The following PHC3 variants were observed in gnomAD, a reference collection of about 807,000 sequenced individuals.
PHC3 encodes polyhomeotic homolog 3, also known as polyhomeotic-like protein 3.
In PHC3, 13 loss-of-function variants were observed where a neutral mutation model predicts 107.4. The observed-to-expected ratio is 0.12, with a 90% CI of 0.08 to 0.19. The LOEUF is 0.19. Ranked by LOEUF, PHC3 falls within the 10% of genes least tolerant of loss-of-function variation. PHC3 has a pLI of 1.00. For missense variants in PHC3, 992 were observed against 1,210.9 expected (o/e 0.82, Z 2.68); for synonymous variants, 456 against 427.4 (o/e 1.07, Z -0.83).
At position 170,087,734 on chromosome 3, in the gene PHC3, A is replaced by G. The variant is rs1461604596; in HGVS notation, c.*9496T>C. The G allele has an allele frequency of 6.6e-6, 1 of 152,216 alleles. No homozygotes were observed. Among genetic ancestry groups the G allele is most frequent in the Non-Finnish European group, 1.5e-5 (1 of 68,008 alleles). The allele number at this position is 152,216 out of a possible 1,614,324, so 9.4% of individuals were successfully genotyped here. On this transcript the variant is annotated 3_prime_UTR_variant, in exon 15 of 15. Coordinates refer to ENST00000495893, the MANE Select transcript of PHC3 (RefSeq NM_024947.4). ...TGAAGCAATGTTACAACAATATTCT[A>G]TATGAAAATGTGCAGGTAACAAAGG... is the stretch of plus-strand genomic sequence containing the variant.
rs767247550 is a variant in PHC3 at position 170,102,927 on chromosome 3, C to T, written c.2476G>A (p.Val826Ile). 1.2e-6 allele frequency: 2 copies of T among 1,611,552 alleles called. No homozygotes were observed. The highest frequency in any genetic ancestry group is 2.2e-5 in the South Asian group (2 of 90,892). Residue 826 changes from valine (V) to isoleucine (I), a missense_variant, in exon 13 of 15, where the codon GTT becomes ATT. Val to Ile is a conservative substitution (Grantham distance 29). This residue lies in a region of PHC3 where 228 missense variants were observed against 288.8 expected (regional missense o/e 0.79). Transcript: ENST00000495893. ...CTMSCAKRYN[V>I]SCSKKFALSR... is the part of the protein sequence containing the mutation. ...AGTGCAAATTTTTTAGAACAGCTAACATTGTACCTAAGAAATTCAAGAAAG... is the reference window on the plus strand; with the variant it reads ...AGTGCAAATTTTTTAGAACAGCTAATATTGTACCTAAGAAATTCAAGAAAG...
rs976938421 is a variant in PHC3 at position 170,097,931 on chromosome 3, G to A, written c.2834-547C>T. ...TTTAAAATATTTTTATTGTTCACTC[G>A]GGACATATCAAATTTCTCAAGACTG... On this transcript the variant is annotated intron_variant, in intron 14 of 14. Transcript: ENST00000495893. The surrounding 1 kb of genome is among the most constrained non-coding windows in gnomAD (Gnocchi z 4.1). Among the ~76,000 whole-genome samples, 2 of 151,934 alleles carry A rather than the reference G, an allele frequency of 1.3e-5. No individual in the cohort carries two copies. Among genetic ancestry groups the A allele is most frequent in the Admixed American group, 6.6e-5 (1 of 15,246 alleles).
chr3:170,117,104 T>C, intron 10 of PHC3, 122 bp downstream of exon 10: 1 of 1,262,984 alleles, frequency 7.9e-7, no homozygotes, highest in African/African-American at 1.5e-5. Context: ...AAATGCTAGA[T>C]TAAAATGGAC....
At chr3:170,112,449 T>C (rs1282704220) in intron 11 of PHC3, among the ~76,000 whole-genome samples, 2 of 151,334 alleles carry the variant, frequency 1.3e-5, no homozygotes, top group African/African-American at 2.4e-5. Flanking sequence ...GGTCTTGATC[T>C]CTTGACCTTG....
At chr3:170,150,817 T>G (rs571293646) in intron 4 of PHC3, 1 of 303,798 alleles carries the variant, frequency 3.3e-6, no homozygotes, top group Non-Finnish European at 6.4e-6. Context: ...TAAAGAGACA[T>G]TGGAGTGGGG....
rs368391626 is a variant in PHC3, at chr3:170,178,213, C to T, written c.180+560G>A. ...GGCGGGAGTGCTGTGGCGCGATCTCCGCTCACTGCAAGCTCCGCCTTCCGG... is the reference window on the plus strand; with the variant it reads ...GGCGGGAGTGCTGTGGCGCGATCTCTGCTCACTGCAAGCTCCGCCTTCCGG... On this transcript the variant is annotated intron_variant, in intron 2 of 14. Transcript: ENST00000495893. Among the ~76,000 whole-genome samples, 288 of 150,942 alleles carry T rather than the reference C, an allele frequency of 1.9e-3. 1 individual carries two copies. The highest frequency in any genetic ancestry group is 6.6e-3 in the African/African-American group (272 of 41,086).
chr3:170,156,602 A>G (rs578256343), intron 4 of PHC3, among the ~76,000 whole-genome samples: 1 of 148,586 alleles, frequency 6.7e-6, no homozygotes, highest in Non-Finnish European at 1.5e-5. Context: ...AAGAGACTAC[A>G]TGGTTTTTTT....
Position 170,113,443 on chromosome 3 carries a change from A to G in PHC3, c.2270T>C (p.Val757Ala), listed in dbSNP as rs1320911625. The change falls in exon 11 of 15, where the codon GTG becomes GCG. Residue 757 changes from valine to alanine, a missense_variant. Physicochemically the swap from Val to Ala is moderately conservative, Grantham distance 64 (BLOSUM62 0). This residue lies in a region of PHC3 where 228 missense variants were observed against 288.8 expected (regional missense o/e 0.79). Transcript: ENST00000495893. ...PLLDNQVINS[V>A]CVQPELQNNT... ...ATTCTGTAGCTCTGGCTGAACACACACTGAATTTATCACCTGATTATCCAA... is the reference window on the plus strand; with the variant it reads ...ATTCTGTAGCTCTGGCTGAACACACGCTGAATTTATCACCTGATTATCCAA... 6.2e-7 allele frequency: 1 copy of G among 1,613,366 alleles called. No homozygotes were observed. Among genetic ancestry groups the G allele is most frequent in the Non-Finnish European group, 8.5e-7 (1 of 1,179,562 alleles).
intron 4 of PHC3, among the ~76,000 whole-genome samples, chr3:170,159,290 A>G (rs1011717219): frequency 3.9e-5 from 6 of 151,942 alleles, no homozygotes; most frequent in Non-Finnish European, 8.8e-5. Flanking sequence ...TAAATAGCAT[A>G]ACAGAGATCC....
intron 4 of PHC3, among the ~76,000 whole-genome samples, chr3:170,165,614 C>T (rs566747361): frequency 1.5e-3 from 233 of 151,742 alleles, no homozygotes; most frequent in African/African-American, 4.2e-3. Context: ...ATTAGCCGGG[C>T]ATGGTGGTAA....
chr3:170,123,472 T>C (rs1209542358), intron 8 of PHC3, among the ~76,000 whole-genome samples: 1 of 152,026 alleles, frequency 6.6e-6, no homozygotes, highest in Non-Finnish European at 1.5e-5. Context: ...CACCTTGTTA[T>C]CCAATTGTAA....
At chr3:170,143,523 G>A (rs1024986122) in intron 6 of PHC3, among the ~76,000 whole-genome samples, 5 of 152,072 alleles carry the variant, frequency 3.3e-5, no homozygotes, top group Non-Finnish European at 7.4e-5. Flanking sequence ...CCAGAAGATT[G>A]AGAACTATTA....
intron 11 of PHC3, among the ~76,000 whole-genome samples, chr3:170,110,676 G>C (rs565920569): frequency 3.3e-5 from 5 of 152,056 alleles, no homozygotes; most frequent in Non-Finnish European, 7.4e-5. Context: ...GAGGGAAAGC[G>C]GATTGTATTT....
intron 4 of PHC3, among the ~76,000 whole-genome samples, chr3:170,163,461 AGTGTGT>A (rs56986650): frequency 0.25 from 36,805 of 146,020 alleles, 4,641 homozygotes; most frequent in Non-Finnish European, 0.3. Flanking sequence ...TTTAGTAAAG[AGTGTGT>A]GTGTGTGTGT....
At chr3:170,130,423 A>C (rs1053343410) in intron 7 of PHC3, among the ~76,000 whole-genome samples, 1 of 152,188 alleles carries the variant, frequency 6.6e-6, no homozygotes, top group Non-Finnish European at 1.5e-5. Context: ...CAGGAAGAGA[A>C]AATATTTTGT....
chr3:170,128,355 T>G, intron 8 of PHC3: 1 of 1,298,238 alleles, frequency 7.7e-7, no homozygotes, highest in Non-Finnish European at 1.0e-6. Context: ...GAGAAAAAAC[T>G]TTGTGCAGAT....
intron 8 of PHC3, among the ~76,000 whole-genome samples, chr3:170,125,645 C>G (rs1255473343): frequency 6.6e-6 from 1 of 152,096 alleles, no homozygotes; most frequent in African/African-American, 2.4e-5. Flanking sequence ...ACACAAATAG[C>G]ATATTTTGAA....
At chr3:170,157,195 A>G (rs1033778509) in intron 4 of PHC3, among the ~76,000 whole-genome samples, 7 of 152,248 alleles carry the variant, frequency 4.6e-5, no homozygotes, top group Non-Finnish European at 1.0e-4. Context: ...CTCTGTCTGC[A>G]AACATAAAAA....
At chr3:170,114,393 AT>A (rs941968119) in intron 10 of PHC3, among the ~76,000 whole-genome samples, 1 of 152,164 alleles carries the variant, frequency 6.6e-6, no homozygotes, top group Non-Finnish European at 1.5e-5. Flanking sequence ...ACTAATTAAG[AT>A]TTTTCATGCA....
Sources: gnomAD v4.1 joint callset for allele counts (sites outside exome capture counted in the v4.1 genomes callset) on GRCh38, gnomAD v4.1.1 for gene constraint, gnomAD v4.1.1 regional missense constraint, Gnocchi (gnomAD v3.1) non-coding constraint, MANE v1.5 for transcripts, NCBI Gene and HGNC (gene_info 2026-07-23, HGNC 2026-07-21) for gene names.